Variants in GMDS observed in about 807,000 individuals in gnomAD.
GMDS encodes the protein GDP-mannose 4,6 dehydratase.
GMDS carries 20 observed loss-of-function variants against 49.9 expected under a neutral mutation model. That is an observed-to-expected ratio of 0.40 (90% confidence interval 0.28 to 0.58). The LOEUF (loss-of-function observed/expected upper bound fraction) is 0.58. Among genes scored for constraint, GMDS ranks in the 20% least tolerant of loss-of-function variants. The pLI, the probability that GMDS is intolerant of heterozygous loss-of-function variation, is 0.42. For synonymous variants in GMDS, 177 were observed against 178.6 expected (o/e 0.99, Z 0.07); for missense variants, 362 against 481.4 (o/e 0.75, Z 2.32).
At position 2,050,337 on chromosome 6, in the gene GMDS, G is replaced by T. The variant is rs548125315; in HGVS notation, c.345+65434C>A. ...CCTAAGACCAAACCAGGAAGAAGTT[G>T]AATCTCTGAATAGACCAATAACAGG... is the stretch of plus-strand genomic sequence containing the variant. On this transcript the variant is annotated intron_variant, in intron 4 of 10. Transcript: ENST00000380815. 5.3e-4 allele frequency among the ~76,000 whole-genome samples: 80 copies of T among 152,260 alleles called. 2 individuals carry two copies. The South Asian group carries it at 9.3e-3, about 18-fold the overall frequency.
chr6:1,987,322 AAC>A (rs1472916817), intron 4 of GMDS, among the ~76,000 whole-genome samples: 1 of 152,206 alleles, frequency 6.6e-6, no homozygotes, highest in African/African-American at 2.4e-5. Context: ...ATACATTTAA[AAC>A]ACACTCGAAG....
At chr6:1,713,755 T>C (rs968039981) in intron 9 of GMDS, among the ~76,000 whole-genome samples, 2 of 152,216 alleles carry the variant, frequency 1.3e-5, no homozygotes, top group Admixed American at 6.5e-5. Flanking sequence ...TTTTTATCCA[T>C]AGTCTCTTCT....
At chr6:1,850,572 CAAAG>C (rs2113764449) in intron 7 of GMDS, among the ~76,000 whole-genome samples, 2 of 151,878 alleles carry the variant, frequency 1.3e-5, no homozygotes, top group South Asian at 4.2e-4. Context: ...TGGGTGGAAA[CAAAG>C]AAACATGAGA....
In GMDS at chr6:2,104,017, G is replaced by A. The variant is rs537300235; in HGVS notation, c.345+11754C>T. Among the ~76,000 whole-genome samples the A allele has an allele frequency of 3.9e-5, 6 of 152,256 alleles. No homozygotes were observed. In the South Asian group the frequency reaches 1.2e-3, roughly 32 times the overall value. On this transcript the variant is annotated intron_variant, in intron 4 of 10. Transcript: ENST00000380815. ...TTCCCAGGGAATGTTTGCCTGATTC[G>A]TGGACTGACATTTCCTCTTTGTAAC...
chr6:2,057,756 G>A (rs572132787), intron 4 of GMDS, among the ~76,000 whole-genome samples: 4 of 152,178 alleles, frequency 2.6e-5, no homozygotes, highest in Admixed American at 2.6e-4. Context: ...GATCAATATC[G>A]GACTATAGCC....
chr6:1,786,429 G>A (rs1316601346), intron 7 of GMDS, among the ~76,000 whole-genome samples: 1 of 152,172 alleles, frequency 6.6e-6, no homozygotes, highest in African/African-American at 2.4e-5. Flanking sequence ...TCCAGTCTCT[G>A]GGAATAGGAT....
At position 1,958,114 on chromosome 6, in the gene GMDS, T is replaced by C. The variant is rs2761240; in HGVS notation, c.643+1753A>G. ...GGGCACTGTGCCTGGCCTTAAAATA[T>C]GTTTTTTTTTTTTTTTTTTTAGTTA... On this transcript the variant is annotated intron_variant, in intron 6 of 10. Transcript: ENST00000380815. Among the ~76,000 whole-genome samples the C allele has an allele frequency of 4.8e-3, 567 of 117,940 alleles. 3 individuals are homozygous for C. Among genetic ancestry groups the C allele is most frequent in the African/African-American group, 0.016 (518 of 31,656 alleles). The allele number at this position is 117,940 out of a possible 152,430, so 77.4% of individuals were successfully genotyped here.
chr6:1,633,588 C>T (rs1763060252), intron 9 of GMDS, among the ~76,000 whole-genome samples: 1 of 151,912 alleles, frequency 6.6e-6, no homozygotes, highest in South Asian at 2.1e-4. Context: ...AGGCCTTCCA[C>T]AGAGGTCACT....
chr6:2,075,734 T>C (rs1283434582), intron 4 of GMDS, among the ~76,000 whole-genome samples: 1 of 152,200 alleles, frequency 6.6e-6, no homozygotes, highest in Non-Finnish European at 1.5e-5. Context: ...CATGTGTCTT[T>C]ATAGCAGCAT....
At chr6:1,984,151 A>T (rs62390682) in intron 4 of GMDS, among the ~76,000 whole-genome samples, 30,823 of 152,108 alleles carry the variant, frequency 0.2, 3,168 homozygotes, top group African/African-American at 0.23. Context: ...GTTCTCACTT[A>T]TAAGTGGGAG....
chr6:2,223,314 G>A (rs1202365845), intron 1 of GMDS, among the ~76,000 whole-genome samples: 3 of 152,088 alleles, frequency 2.0e-5, no homozygotes, highest in African/African-American at 7.2e-5. Context: ...GTGGTGCAAA[G>A]GCAGGAAAGT....
chr6:2,222,299 C>G (rs1375418052), intron 1 of GMDS, among the ~76,000 whole-genome samples: 1 of 152,212 alleles, frequency 6.6e-6, no homozygotes, highest in Non-Finnish European at 1.5e-5. Flanking sequence ...CTAAAATGCT[C>G]TCCTGGGGTT....
At chr6:2,020,401 T>C (rs918029547) in intron 4 of GMDS, among the ~76,000 whole-genome samples, 5 of 152,074 alleles carry the variant, frequency 3.3e-5, no homozygotes, top group African/African-American at 4.8e-5. Flanking sequence ...CAGCAAGATT[T>C]AGAAACTAAG....
chr6:1,942,135 T>C (rs150499858), intron 6 of GMDS, among the ~76,000 whole-genome samples: 1 of 152,186 alleles, frequency 6.6e-6, no homozygotes, highest in South Asian at 2.1e-4. Flanking sequence ...TCTAGTTCGC[T>C]TCTCCTTTTA....
chr6:1,904,511 C>T (rs1363396290), intron 7 of GMDS, among the ~76,000 whole-genome samples: 10 of 152,208 alleles, frequency 6.6e-5, no homozygotes, highest in African/African-American at 2.2e-4. Flanking sequence ...AAAGTTACTC[C>T]ATTAAGCAAA....
intron 7 of GMDS, among the ~76,000 whole-genome samples, chr6:1,919,855 C>A (rs1761630831): frequency 6.6e-6 from 1 of 152,152 alleles, no homozygotes; most frequent in Admixed American, 6.5e-5. Context: ...ACCGTTGATG[C>A]CCTGGGCCAT....
In GMDS at chr6:2,066,448, C is replaced by T. The variant is rs531241702; in HGVS notation, c.345+49323G>A. 1.1e-4 allele frequency among the ~76,000 whole-genome samples: 17 copies of T among 149,306 alleles called. 1 individual carries two copies. Among genetic ancestry groups the T allele is most frequent in the South Asian group, 8.7e-4 (4 of 4,618 alleles). On this transcript the variant is annotated intron_variant, in intron 4 of 10. Transcript: ENST00000380815. Reference sequence around the variant, plus strand: ...ACTTTAAATGTAAATGGACTAAATGCTCCAATTAAAAGACACAGACTGGCA... The same window carrying T: ...ACTTTAAATGTAAATGGACTAAATGTTCCAATTAAAAGACACAGACTGGCA...
At chr6:2,204,199 C>T (rs1047431728) in intron 1 of GMDS, among the ~76,000 whole-genome samples, 3 of 152,004 alleles carry the variant, frequency 2.0e-5, no homozygotes, top group South Asian at 4.1e-4. Context: ...GTCATTTTCC[C>T]GGCCCTCTTT....
chr6:1,749,430 A>T (rs779423224), intron 7 of GMDS, among the ~76,000 whole-genome samples: 8 of 152,020 alleles, frequency 5.3e-5, no homozygotes, highest in Non-Finnish European at 8.8e-5. Context: ...TCTACAAAAA[A>T]TACAAAACTT....
Sources: gnomAD v4.1 joint callset for allele counts (sites outside exome capture counted in the v4.1 genomes callset) on GRCh38, gnomAD v4.1.1 for gene constraint, MANE v1.5 for transcripts, NCBI Gene and HGNC (gene_info 2026-07-23, HGNC 2026-07-21) for gene names.